Variants in DLGAP1 observed in about 807,000 individuals in gnomAD.
DLGAP1 encodes DLG associated protein 1, also known as disks large-associated protein 1.
Under a neutral mutation model 90.8 loss-of-function variants are expected in DLGAP1, and 11 were observed. That is an observed-to-expected ratio of 0.12 (90% CI 0.08 to 0.20). The LOEUF (loss-of-function observed/expected upper bound fraction) is 0.20. DLGAP1 is among the 10% of genes least tolerant of loss of function. The pLI is 1.00. For missense variants in DLGAP1, 1,050 were observed against 1,333.8 expected (o/e 0.79, Z 3.31); for synonymous variants, 558 against 540.7 (o/e 1.03, Z -0.44).
chr18:4,190,649 T>G (rs1440575039), intron 1 of DLGAP1, among the ~76,000 whole-genome samples: 2 of 152,120 alleles, frequency 1.3e-5, no homozygotes, highest in East Asian at 3.8e-4. Context: ...AACTTTGTAC[T>G]TTCTATACAA....
chr18:4,315,938 C>T (rs543565780), intron 1 of DLGAP1, among the ~76,000 whole-genome samples: 2 of 152,268 alleles, frequency 1.3e-5, no homozygotes, highest in African/African-American at 4.8e-5. Flanking sequence ...GTTCATAGGA[C>T]GGTTGGGTTT....
chr18:4,064,938 T>C (rs1302688009), intron 2 of DLGAP1, among the ~76,000 whole-genome samples: 1 of 152,118 alleles, frequency 6.6e-6, no homozygotes, highest in Non-Finnish European at 1.5e-5. Context: ...AACAAAATAC[T>C]GAAAAATCAA....
chr18:4,213,243 A>G (rs1482126870), intron 1 of DLGAP1, among the ~76,000 whole-genome samples: 2 of 152,148 alleles, frequency 1.3e-5, no homozygotes, highest in Non-Finnish European at 2.9e-5. Context: ...AGAACCATTG[A>G]AGGGTTTGGA....
At chr18:4,329,324 GA>G (rs1478582935) in intron 1 of DLGAP1, among the ~76,000 whole-genome samples, 1 of 151,720 alleles carries the variant, frequency 6.6e-6, no homozygotes, top group East Asian at 1.9e-4. Context: ...CCATATTCCT[GA>G]ATTTTTTATT....
Position 3,561,270 on chromosome 18 carries a change from A to AC in DLGAP1, c.2057+6219_2057+6220insG, listed in dbSNP as rs1365875257. Among the ~76,000 whole-genome samples the AC allele has an allele frequency of 1.5e-5, 2 of 137,428 alleles. 1 individual carries two copies. Among genetic ancestry groups the AC allele is most frequent in the Non-Finnish European group, 3.1e-5 (2 of 65,434 alleles). 90.2% of individuals were successfully genotyped at this position (137,428 alleles called of 152,430 possible). ...GTCTCTACTAAAAAAAAAAAACAAA[A>AC]AAAAAAAAACAAACAAAAAATAGCC... On this transcript the variant is annotated intron_variant, in intron 9 of 12. Coordinates refer to ENST00000315677, the MANE Select transcript of DLGAP1 (RefSeq NM_004746.4).
At chr18:4,134,508 AAGTCGAG>A (rs565103963) in intron 2 of DLGAP1, among the ~76,000 whole-genome samples, 14,916 of 152,212 alleles carry the variant, frequency 0.098, 880 homozygotes, top group East Asian at 0.18. Context: ...AGGAATTTCA[AAGTCGAG>A]GCAGAGATAA....
intron 2 of DLGAP1, among the ~76,000 whole-genome samples, chr18:4,148,549 A>T (rs1328001921): frequency 1.3e-5 from 2 of 152,128 alleles, no homozygotes; most frequent in Non-Finnish European, 2.9e-5. Context: ...ATTCAGGAGG[A>T]TGTCCAGCCT....
chr18:4,206,527 A>C (rs190748860), intron 1 of DLGAP1, among the ~76,000 whole-genome samples: 3 of 152,304 alleles, frequency 2.0e-5, no homozygotes, highest in African/African-American at 7.2e-5. Flanking sequence ...AAAACTCCTC[A>C]GGCCAGGATA....
At chr18:4,408,554 T>A (rs1374659382) in intron 1 of DLGAP1, among the ~76,000 whole-genome samples, 4 of 152,036 alleles carry the variant, frequency 2.6e-5, no homozygotes, top group African/African-American at 9.6e-5. Flanking sequence ...GTATAAGGGA[T>A]ATGGCATACG....
At chr18:4,260,192 A>C (rs1052319277) in intron 1 of DLGAP1, among the ~76,000 whole-genome samples, 2 of 152,230 alleles carry the variant, frequency 1.3e-5, no homozygotes, top group Non-Finnish European at 2.9e-5. Flanking sequence ...TAAATTGTTA[A>C]ATGGTAAACT....
intron 7 of DLGAP1, among the ~76,000 whole-genome samples, chr18:3,630,655 A>G (rs936543351): frequency 6.6e-6 from 1 of 152,152 alleles, no homozygotes; most frequent in African/African-American, 2.4e-5. Flanking sequence ...CTGAATTGCA[A>G]AGATGCCTCT....
At chr18:3,981,764 G>A (rs2073735259) in intron 3 of DLGAP1, among the ~76,000 whole-genome samples, 1 of 152,058 alleles carries the variant, frequency 6.6e-6, no homozygotes, top group Non-Finnish European at 1.5e-5. Context: ...GGCCTGAACT[G>A]GATAATAGAG....
chr18:3,667,516 T>G (rs1305357078), intron 7 of DLGAP1, among the ~76,000 whole-genome samples: 1 of 152,170 alleles, frequency 6.6e-6, no homozygotes, highest in Non-Finnish European at 1.5e-5. Context: ...AGTTTTCCAC[T>G]CCGGTGGACT....
intron 3 of DLGAP1, among the ~76,000 whole-genome samples, chr18:3,881,015 T>G (rs947617582): frequency 1.4e-5 from 2 of 146,956 alleles, no homozygotes; most frequent in Admixed American, 1.3e-4. Context: ...AAAAACCAAA[T>G]TGTTTTTAAA....
intron 2 of DLGAP1, among the ~76,000 whole-genome samples, chr18:4,009,830 C>T (rs531111995): frequency 2.2e-4 from 34 of 152,282 alleles, no homozygotes; most frequent in East Asian, 9.7e-4. Context: ...GTCTCCTCAC[C>T]GGACCAAGGG....
rs113925571 is a variant in DLGAP1, at chr18:4,292,404, T to C, written c.-266-141117A>G. Among the ~76,000 whole-genome samples the C allele has an allele frequency of 6.4e-3, 968 of 152,230 alleles. 15 individuals are homozygous for C. Among genetic ancestry groups the C allele is most frequent in the African/African-American group, 0.022 (927 of 41,558 alleles). On this transcript the variant is annotated intron_variant, in intron 1 of 12. Coordinates refer to ENST00000315677, the MANE Select transcript of DLGAP1 (RefSeq NM_004746.4). Reference sequence around the variant, plus strand: ...CAAGTTTTTTTTTCATTTGAAAATATGTATATTTTAAAGTCAGATCACCAG... The same window carrying C: ...CAAGTTTTTTTTTCATTTGAAAATACGTATATTTTAAAGTCAGATCACCAG...
intron 1 of DLGAP1, among the ~76,000 whole-genome samples, chr18:4,214,189 A>T (rs138484337): frequency 6.6e-6 from 1 of 152,258 alleles, no homozygotes; most frequent in African/African-American, 2.4e-5. Flanking sequence ...AAGAGAAGGG[A>T]GTATCAAAGA....
chr18:3,781,925 T>C (rs1262335579), intron 5 of DLGAP1, among the ~76,000 whole-genome samples: 1 of 152,176 alleles, frequency 6.6e-6, no homozygotes, highest in Non-Finnish European at 1.5e-5. Context: ...ACCGCTACAT[T>C]TGATTAAACA....
At chr18:3,573,954 A>G in intron 8 of DLGAP1, among the ~76,000 whole-genome samples, 2 of 152,200 alleles carry the variant, frequency 1.3e-5, no homozygotes, top group Non-Finnish European at 2.9e-5. Flanking sequence ...TACCCACCTT[A>G]GCTTCCCAAA....
Sources: allele counts gnomAD v4.1 joint callset (sites outside exome capture counted in the v4.1 genomes callset), GRCh38; gene constraint gnomAD v4.1.1; transcripts MANE v1.5; gene names NCBI Gene and HGNC (gene_info 2026-07-23, HGNC 2026-07-21).